The following MRPL42 variants were observed in gnomAD, a reference collection of about 807,000 sequenced individuals.
The protein encoded by MRPL42 is large ribosomal subunit protein mL42.
In MRPL42, 17 loss-of-function variants were observed where a neutral mutation model predicts 17.9. The observed-to-expected ratio is 0.95, with a 90% confidence interval of 0.65 to 1.42. The LOEUF (loss-of-function observed/expected upper bound fraction) is 1.42, where lower values mean the gene tolerates loss of function less well. Among genes scored for constraint, MRPL42 ranks in the 40% most tolerant of loss-of-function variants. The pLI, the probability that MRPL42 is intolerant of heterozygous loss-of-function variation, is 0.00. For synonymous variants in MRPL42, 59 were observed against 54.4 expected, an observed-to-expected ratio of 1.08 and a Z score of -0.37; for missense variants, 177 against 175.2, an observed-to-expected ratio of 1.01 and a Z score of -0.06.
At chr12:93,477,122 C>G in intron 3 of MRPL42, 105 bp downstream of exon 3, 1 of 833,308 alleles carries the variant, frequency 1.2e-6, no homozygotes, top group Non-Finnish European at 1.8e-6. Context: ...TCTCATTATT[C>G]TTTCCTTAAT....
chr12:93,479,313 CAAA>C (rs34328828), intron 3 of MRPL42, 72 bp from the exon 4 acceptor site: 671 of 730,168 alleles, frequency 9.2e-4, no homozygotes, highest in South Asian at 2.6e-3. Flanking sequence ...GAGTCCATCT[CAAA>C]AAAAAAAAAA....
At chr12:93,488,568 AATTG>A (rs1953354448) in intron 5 of MRPL42, 2 of 316,854 alleles carry the variant, frequency 6.3e-6, no homozygotes, top group Non-Finnish European at 5.7e-6. Flanking sequence ...CCTGTTAAGT[AATTG>A]ATTGTGTCTT....
rs1171785430 is a variant in MRPL42, at chr12:93,503,466, A to G, written c.*2245A>G. 1 of 152,042 alleles carries G rather than the reference A, an allele frequency of 6.6e-6. No homozygotes were observed. The highest frequency in any genetic ancestry group is 2.4e-5 in the African/African-American group (1 of 41,378). 9.4% of individuals were successfully genotyped at this position (152,042 alleles called of 1,614,324 possible). On this transcript the variant is annotated 3_prime_UTR_variant, in exon 6 of 6. Coordinates refer to ENST00000549982, the MANE Select transcript of MRPL42 (RefSeq NM_014050.4). Reference sequence around the variant, plus strand: ...CACAATCACATTGCACTGCAACCTCAATATCCTGGGCTCAAGCAATCCTCC... The same window carrying G: ...CACAATCACATTGCACTGCAACCTCGATATCCTGGGCTCAAGCAATCCTCC...
At chr12:93,476,326 G>A (rs1317413106) in intron 2 of MRPL42, among the ~76,000 whole-genome samples, 5 of 152,020 alleles carry the variant, frequency 3.3e-5, no homozygotes, top group Non-Finnish European at 5.9e-5. Context: ...AGCTGACCAC[G>A]CCTGGCTAAT....
chr12:93,469,429 A>G (rs1879794831), intron 2 of MRPL42, 74 bp downstream of exon 2: 3 of 1,061,382 alleles, frequency 2.8e-6, no homozygotes, highest in South Asian at 3.0e-5. Flanking sequence ...GCATTTAGTT[A>G]TTGTATATGC....
In MRPL42 at chr12:93,504,770, A is replaced by G. The variant is rs548127856; in HGVS notation, c.*3549A>G. ...TCTGTTGTTACGTGCAACACTGTAT[A>G]TCTCTCCATAGCACTTAATCAGAGT... On this transcript the variant is annotated 3_prime_UTR_variant, in exon 6 of 6. Transcript: ENST00000549982. 1 of 152,176 alleles carries G rather than the reference A, an allele frequency of 6.6e-6. No homozygotes were observed. Among genetic ancestry groups the G allele is most frequent in the Non-Finnish European group, 1.5e-5 (1 of 68,052 alleles). 9.4% of individuals were successfully genotyped at this position (152,176 alleles called of 1,614,324 possible). A position where few individuals can be genotyped will look rare whatever the true frequency, so the allele number is the denominator to read the frequency against.
intron 5 of MRPL42, 46 bp from the exon 6 acceptor site, chr12:93,501,130 A>G (rs1008971849): frequency 7.0e-7 from 1 of 1,430,636 alleles, no homozygotes; most frequent in Non-Finnish European, 9.4e-7. Context: ...ATCAGGAATA[A>G]TTTTTATTAA....
At chr12:93,501,101 T>A in intron 5 of MRPL42, 75 bp from the exon 6 acceptor site, 1 of 1,201,810 alleles carries the variant, frequency 8.3e-7, no homozygotes, top group Non-Finnish European at 1.2e-6. Flanking sequence ...AGCAAAATAA[T>A]CATAGAAGTT....
chr12:93,491,969 A>T (rs575334992), intron 5 of MRPL42, among the ~76,000 whole-genome samples: 5 of 152,278 alleles, frequency 3.3e-5, no homozygotes, highest in Admixed American at 3.3e-4. Flanking sequence ...TTATGTCTGT[A>T]TAGTATTCCA....
intron 2 of MRPL42, among the ~76,000 whole-genome samples, chr12:93,475,190 C>G (rs569855832): frequency 2.6e-5 from 4 of 151,952 alleles, no homozygotes; most frequent in Admixed American, 2.0e-4. Context: ...TCTTGTCTCA[C>G]GGCAACTTCT....
chr12:93,468,592 G>T (rs962485568), intron 1 of MRPL42, among the ~76,000 whole-genome samples: 1 of 152,150 alleles, frequency 6.6e-6, no homozygotes, highest in African/African-American at 2.4e-5. Flanking sequence ...ATGAAATGGT[G>T]GTGAAAGTAC....
chr12:93,485,422 T>C (rs560224696), intron 4 of MRPL42, among the ~76,000 whole-genome samples: 23 of 152,188 alleles, frequency 1.5e-4, no homozygotes, highest in African/African-American at 5.3e-4. Flanking sequence ...GATTAACACA[T>C]GTGAGCCACC....
At chr12:93,468,003 G>T (rs542900533) in intron 1 of MRPL42, among the ~76,000 whole-genome samples, 1 of 152,306 alleles carries the variant, frequency 6.6e-6, no homozygotes, top group South Asian at 2.1e-4. Flanking sequence ...TTTCCCCCAA[G>T]ATGTTTTATT....
chr12:93,497,431 CAAAT>C (rs972342742), intron 5 of MRPL42, among the ~76,000 whole-genome samples: 93 of 152,146 alleles, frequency 6.1e-4, no homozygotes, highest in African/African-American at 2.2e-3. Context: ...TCAAGATACG[CAAAT>C]AAATAAATGT....
At chr12:93,494,269 T>C (rs1953455272) in intron 5 of MRPL42, among the ~76,000 whole-genome samples, 1 of 152,192 alleles carries the variant, frequency 6.6e-6, no homozygotes, top group South Asian at 2.1e-4. Context: ...ACAAACAGAC[T>C]GCAGCAAAGC....
At position 93,514,720 on chromosome 12, in the gene MRPL42, A is replaced by G. The variant is rs951924401; in HGVS notation, c.*13499A>G. 6.6e-6 allele frequency: 1 copy of G among 151,688 alleles called. No homozygotes were observed. Among genetic ancestry groups the G allele is most frequent in the Non-Finnish European group, 1.5e-5 (1 of 67,954 alleles). The allele number at this position is 151,688 out of a possible 1,614,324, so 9.4% of individuals were successfully genotyped here. A position where few individuals can be genotyped will look rare whatever the true frequency, so the allele number is the denominator to read the frequency against. Reference sequence around the variant, plus strand: ...GAAAATATTTGTCATATTCCTTCTTATTTTTCTTTAAGCTTTATTTTTTCT... The same window carrying G: ...GAAAATATTTGTCATATTCCTTCTTGTTTTTCTTTAAGCTTTATTTTTTCT... On this transcript the variant is annotated 3_prime_UTR_variant, in exon 6 of 6. Coordinates refer to ENST00000549982, the MANE Select transcript of MRPL42 (RefSeq NM_014050.4).
Position 93,515,326 on chromosome 12 carries a change from C to T in MRPL42, c.*14105C>T, listed in dbSNP as rs1330231107. The T allele has an allele frequency of 6.6e-6, 1 of 151,288 alleles. No homozygotes were observed. The highest frequency in any genetic ancestry group is 2.4e-5 in the African/African-American group (1 of 41,134). 9.4% of individuals were successfully genotyped at this position (151,288 alleles called of 1,614,324 possible). ...AGGAGAAGAGGGGACCAAGAAATGCCAGAGATACATAGGAAGTAAAAATTA... is the reference window on the plus strand; with the variant it reads ...AGGAGAAGAGGGGACCAAGAAATGCTAGAGATACATAGGAAGTAAAAATTA... On this transcript the variant is annotated 3_prime_UTR_variant, in exon 6 of 6. Coordinates refer to ENST00000549982, the MANE Select transcript of MRPL42 (RefSeq NM_014050.4).
chr12:93,473,022 A>G (rs1879982518), intron 2 of MRPL42, among the ~76,000 whole-genome samples: 1 of 152,204 alleles, frequency 6.6e-6, no homozygotes, highest in Non-Finnish European at 1.5e-5. Context: ...AAGGTAAAAT[A>G]CTGAGCATTT....
chr12:93,497,608 A>C (rs1395877880), intron 5 of MRPL42, among the ~76,000 whole-genome samples: 1 of 152,190 alleles, frequency 6.6e-6, no homozygotes, highest in Non-Finnish European at 1.5e-5. Context: ...ATTTATGACA[A>C]ACCCACAGCC....
Sources: gnomAD v4.1 joint callset for allele counts (sites outside exome capture counted in the v4.1 genomes callset) on GRCh38, gnomAD v4.1.1 for gene constraint, MANE v1.5 for transcripts, NCBI Gene and HGNC (gene_info 2026-07-23, HGNC 2026-07-21) for gene names.